Variants in SAMD5 observed in about 807,000 individuals in gnomAD.
SAMD5 encodes sterile alpha motif domain containing 5, also known as sterile alpha motif domain-containing protein 5.
SAMD5 carries 13 observed loss-of-function variants against 11.3 expected under a neutral mutation model. The ratio of observed to expected loss-of-function variants is 1.15; its 90% confidence interval spans 0.75 to 1.83. The LOEUF (loss-of-function observed/expected upper bound fraction) is 1.83. Among genes scored for constraint, SAMD5 ranks in the 40% most tolerant of loss-of-function variants. SAMD5 has a pLI of 0.00. For synonymous variants in SAMD5, 129 were observed against 111.3 expected, an observed-to-expected ratio of 1.16 and a Z score of -1.00; for missense variants, 255 against 239.1, an observed-to-expected ratio of 1.07 and a Z score of -0.44.
downstream of SAMD5, among the ~76,000 whole-genome samples, chr6:147,574,083 G>A (rs1414887259): frequency 5.9e-5 from 9 of 151,578 alleles, no homozygotes; most frequent in East Asian, 1.9e-4. Context: ...AGCTGAGATC[G>A]CGCCACTGCA....
the SAMD5 span, among the ~76,000 whole-genome samples, chr6:147,849,466 A>G: frequency 6.6e-6 from 1 of 152,224 alleles, no homozygotes; most frequent in East Asian, 1.9e-4. Flanking sequence ...AGGAGGGCTC[A>G]TATACATGGG....
chr6:147,865,618 G>A, the SAMD5 span, among the ~76,000 whole-genome samples: 25 of 152,118 alleles, frequency 1.6e-4, no homozygotes, highest in Admixed American at 3.9e-4. Flanking sequence ...CCGTTGTTGT[G>A]ATGCTTTCCT....
Position 147,508,895 on chromosome 6 carries a change from G to A in SAMD5, c.-34G>A. 1.9e-6 allele frequency: 3 copies of A among 1,583,740 alleles called. No individual in the cohort carries two copies. The highest frequency in any genetic ancestry group is 1.1e-5 in the South Asian group (1 of 87,042). ...GCCGCCCGTGCCATTTGGGCGCTGG[G>A]AAGGTGCTCGGCGGCGGGGTTCCCG... On this transcript the variant is annotated 5_prime_UTR_variant, in exon 1 of 2. Coordinates refer to ENST00000367474, the MANE Select transcript of SAMD5 (RefSeq NM_001030060.3).
the SAMD5 span, among the ~76,000 whole-genome samples, chr6:147,938,884 C>T: frequency 3.0e-4 from 45 of 152,044 alleles, no homozygotes; most frequent in South Asian, 8.1e-3. Context: ...ATCTGGACTC[C>T]GACTGGTTGT....
In SAMD5 at chr6:147,610,068, C is replaced by T. The variant is rs375462234; in HGVS notation, c.162+100681C>T. Among the ~76,000 whole-genome samples, 33 of 152,252 alleles carry T rather than the reference C, an allele frequency of 2.2e-4. 1 individual carries two copies. In the South Asian group the frequency reaches 6.0e-3, roughly 28 times the overall value. ...ATTGCACATTATGCTGTGTGCTGTG[C>T]TCTATAAACAATGAACATAATTTTC... On this transcript the variant is annotated intron_variant, in intron 1 of 1. Coordinates refer to the SAMD5 transcript ENST00000566741.
At position 147,566,736 on chromosome 6, in the gene SAMD5, T is replaced by C; in HGVS notation, c.*2280T>C. On this transcript the variant is annotated 3_prime_UTR_variant, in exon 2 of 2. Coordinates refer to ENST00000367474, the MANE Select transcript of SAMD5 (RefSeq NM_001030060.3). ...AAAGCCAATGGATTTTAAAAAGACA[T>C]CTTAGTTAAAGCTAGAGGAAGAAAA... The C allele has an allele frequency of 1.0e-6, 1 of 985,300 alleles. No homozygotes were observed. The highest frequency in any genetic ancestry group is 1.2e-6 in the Non-Finnish European group (1 of 829,814). 61.0% of individuals were successfully genotyped at this position (985,300 alleles called of 1,614,324 possible).
At chr6:147,882,803 T>A in the SAMD5 span, among the ~76,000 whole-genome samples, 1 of 152,240 alleles carries the variant, frequency 6.6e-6, no homozygotes, top group Non-Finnish European at 1.5e-5. Flanking sequence ...TGTGTACATA[T>A]GTTTTGCCCT....
chr6:147,924,217 C>A, the SAMD5 span, among the ~76,000 whole-genome samples: 3 of 152,156 alleles, frequency 2.0e-5, no homozygotes, highest in Non-Finnish European at 4.4e-5. Context: ...AGGGCACTCA[C>A]TCTCACTAAA....
the SAMD5 span, among the ~76,000 whole-genome samples, chr6:147,916,411 C>G: frequency 2.2e-4 from 33 of 152,234 alleles, no homozygotes; most frequent in Admixed American, 1.5e-3. Context: ...CTCTCCAGCA[C>G]CTGTTGTTTC....
intron 1 of SAMD5, among the ~76,000 whole-genome samples, chr6:147,512,246 G>A (rs146216535): frequency 5.3e-4 from 81 of 152,248 alleles, no homozygotes; most frequent in Non-Finnish European, 7.5e-4. Flanking sequence ...GTGAGCCACC[G>A]CACCCCGCCA....
chr6:147,635,558 G>C lies in SAMD5; in HGVS notation c.163-101759G>C, dbSNP rs370010952. Among the ~76,000 whole-genome samples the C allele has an allele frequency of 3.3e-5, 5 of 152,244 alleles. No homozygotes were observed. The South Asian group carries it at 6.2e-4, about 19-fold the overall frequency. ...TCATGCTGATTTCATTTTTATGATGGTTTGTATCATTGTCAACAAATATGG... is the reference window on the plus strand; with the variant it reads ...TCATGCTGATTTCATTTTTATGATGCTTTGTATCATTGTCAACAAATATGG... On this transcript the variant is annotated intron_variant, in intron 1 of 1. Coordinates refer to the SAMD5 transcript ENST00000566741.
intron 1 of SAMD5, among the ~76,000 whole-genome samples, chr6:147,535,732 A>G (rs1034162807): frequency 1.3e-5 from 2 of 152,176 alleles, no homozygotes; most frequent in East Asian, 1.9e-4. Flanking sequence ...GAGCCTAGCC[A>G]TGGTTTGTAT....
chr6:147,644,590 CTTATAA>C (rs1033517369), intron 1 of SAMD5, among the ~76,000 whole-genome samples: 7 of 152,080 alleles, frequency 4.6e-5, no homozygotes, highest in African/African-American at 1.7e-4. Flanking sequence ...GTCTTCAAAA[CTTATAA>C]TTAGAGAGTC....
chr6:147,509,743 C>T (rs2128438688), intron 1 of SAMD5, among the ~76,000 whole-genome samples: 1 of 152,170 alleles, frequency 6.6e-6, no homozygotes, highest in Non-Finnish European at 1.5e-5. Context: ...TGAAGAGTAC[C>T]AGAAAAAATG....
chr6:147,526,385 T>C (rs1282721775), intron 1 of SAMD5, among the ~76,000 whole-genome samples: 1 of 152,192 alleles, frequency 6.6e-6, no homozygotes, highest in Non-Finnish European at 1.5e-5. Flanking sequence ...TAATGGAAAT[T>C]ACAGTCTGGA....
the SAMD5 span, among the ~76,000 whole-genome samples, chr6:147,847,892 C>T: frequency 6.6e-6 from 1 of 152,030 alleles, no homozygotes; most frequent in Non-Finnish European, 1.5e-5. Flanking sequence ...AAGAATATTA[C>T]CTGGGCAACA....
the SAMD5 span, among the ~76,000 whole-genome samples, chr6:147,779,912 T>G: frequency 6.6e-6 from 1 of 152,242 alleles, no homozygotes; most frequent in Non-Finnish European, 1.5e-5. Flanking sequence ...TATAGTCCTA[T>G]AGTAAGTAAA....
chr6:147,509,380 C>A lies in SAMD5; in HGVS notation c.452C>A (p.Ser151Tyr). 1 of 1,547,406 alleles carries A rather than the reference C, an allele frequency of 6.5e-7. No homozygotes were observed. Residue 151 changes from serine (S) to tyrosine (Y), a missense_variant, in exon 1 of 2, where the codon TCC (serine) becomes TAC (tyrosine). Ser to Tyr is a moderately radical substitution (Grantham distance 144, BLOSUM62 -2). Transcript: ENST00000367474. ...DGIHLSKPPY[S>Y]RKVPMAGILE... ...ATCCACCTGAGCAAGCCCCCGTACTCCCGCAAGGTAAGGAGGTGCCGTCCG... is the reference window on the plus strand; with the variant it reads ...ATCCACCTGAGCAAGCCCCCGTACTACCGCAAGGTAAGGAGGTGCCGTCCG...
chr6:147,561,143 A>C (rs187435440), intron 1 of SAMD5, among the ~76,000 whole-genome samples: 1 of 152,242 alleles, frequency 6.6e-6, no homozygotes, highest in Non-Finnish European at 1.5e-5. Flanking sequence ...TAAGACACCA[A>C]AATATAACTT....
Sources: gnomAD v4.1 joint callset for allele counts (sites outside exome capture counted in the v4.1 genomes callset) on GRCh38, gnomAD v4.1.1 for gene constraint, MANE v1.5 for transcripts, NCBI Gene and HGNC (gene_info 2026-07-23, HGNC 2026-07-21) for gene names.